The following UBE4B variants were observed in gnomAD, a reference collection of about 807,000 sequenced individuals.
The protein encoded by UBE4B is ubiquitination factor E4B, also known as ubiquitin conjugation factor E4 B.
UBE4B carries 27 observed loss-of-function variants against 148.1 expected under a neutral mutation model. The ratio of observed to expected loss-of-function variants is 0.18; its 90% CI spans 0.13 to 0.25. The LOEUF is 0.25. Among genes scored for constraint, UBE4B ranks in the 10% least tolerant of loss-of-function variants. UBE4B has a pLI of 1.00. For synonymous variants in UBE4B, 596 were observed against 619.3 expected, an observed-to-expected ratio of 0.96 and a Z score of 0.56; for missense variants, 1,170 against 1,662.4, an observed-to-expected ratio of 0.70 and a Z score of 5.15.
At chr1:10,061,344 T>C (rs1316875620) in intron 1 of UBE4B, among the ~76,000 whole-genome samples, 1 of 151,928 alleles carries the variant, frequency 6.6e-6, no homozygotes, top group Non-Finnish European at 1.5e-5. Context: ...AACCTCCGTT[T>C]CCTGGGTTTA....
intron 7 of UBE4B, among the ~76,000 whole-genome samples, chr1:10,110,677 T>C (rs1233875702): frequency 6.6e-6 from 1 of 152,224 alleles, no homozygotes; most frequent in Non-Finnish European, 1.5e-5. Context: ...GTTTGTTTTT[T>C]AACTGTAAAT....
intron 1 of UBE4B, among the ~76,000 whole-genome samples, chr1:10,045,461 G>T (rs183571527): frequency 1.3e-5 from 2 of 152,194 alleles, no homozygotes; most frequent in Admixed American, 1.3e-4. Context: ...GTCCTTGTCT[G>T]TTGTTCAGGC....
chr1:10,172,040 G>A (rs1646346928), intron 25 of UBE4B, among the ~76,000 whole-genome samples: 1 of 152,174 alleles, frequency 6.6e-6, no homozygotes, highest in Admixed American at 6.6e-5. Context: ...CAAGGGATCA[G>A]AATCTTCTTT....
chr1:10,132,854 A>G (rs529621044), intron 15 of UBE4B, among the ~76,000 whole-genome samples: 1 of 152,334 alleles, frequency 6.6e-6, no homozygotes, highest in East Asian at 1.9e-4. Flanking sequence ...GAGCTATCCA[A>G]TGTGGAAACG....
chr1:10,132,579 G>A (rs1645613472), intron 15 of UBE4B, 97 bp downstream of exon 15: 3 of 1,003,158 alleles, frequency 3.0e-6, no homozygotes, highest in Non-Finnish European at 4.5e-6. Context: ...AGGAGTGGGG[G>A]TACAGTATTG....
At chr1:10,097,052 A>AAAAAT (rs554089049) in intron 3 of UBE4B, among the ~76,000 whole-genome samples, 2 of 138,510 alleles carry the variant, frequency 1.4e-5, no homozygotes, top group Admixed American at 7.3e-5. Flanking sequence ...AAAAAAAAAA[A>AAAAAT]AATAATAATA....
intron 2 of UBE4B, among the ~76,000 whole-genome samples, chr1:10,086,133 G>A (rs1301228365): frequency 3.9e-5 from 6 of 152,004 alleles, no homozygotes; most frequent in Non-Finnish European, 5.9e-5. Flanking sequence ...CACCACGCCA[G>A]GCTAATTTTT....
Position 10,106,325 on chromosome 1 carries a change from A to G in UBE4B, c.938A>G (p.His313Arg). Residue 313 changes from histidine (H) to arginine (R), a missense_variant, in exon 7 of 28, where the codon CAC becomes CGC. Physicochemically the swap from His to Arg is conservative, Grantham distance 29. Transcript: ENST00000343090. The surrounding 1 kb of genome is among the most constrained non-coding windows in gnomAD (Gnocchi z 4.2). ...LAVPSTPLSP[H>R]SAASGTAAGS... ...GTGCCTTCCACTCCCCTCAGTCCTC[A>G]CAGTGCAGCCTCTGGAACTGCTGCG... The G allele has an allele frequency of 6.2e-7, 1 of 1,613,838 alleles. No homozygotes were observed. The highest frequency in any genetic ancestry group is 8.5e-7 in the Non-Finnish European group (1 of 1,179,950).
At position 10,129,461 on chromosome 1, in the gene UBE4B, C is replaced by T. The variant is rs1419254285; in HGVS notation, c.1695+13C>T. ...TGTGTGCAATTTGGTAAGCACTCAC[C>T]TGATGGGCTTGCACATTTTCAGTGA... On this transcript the variant is annotated intron_variant, in intron 12 of 27. Transcript: ENST00000343090. The T allele has an allele frequency of 6.2e-6, 10 of 1,607,506 alleles. No homozygotes were observed. Among genetic ancestry groups the T allele is most frequent in the Non-Finnish European group, 8.5e-6 (10 of 1,174,786 alleles).
intron 2 of UBE4B, among the ~76,000 whole-genome samples, chr1:10,083,271 C>T (rs562838607): frequency 1.6e-4 from 24 of 152,238 alleles, no homozygotes; most frequent in Non-Finnish European, 1.9e-4. Flanking sequence ...ATCTGTGGGG[C>T]AATCTTTGCA....
chr1:10,103,570 C>T (rs1243763266), intron 5 of UBE4B, among the ~76,000 whole-genome samples: 1 of 149,684 alleles, frequency 6.7e-6, no homozygotes, highest in Non-Finnish European at 1.5e-5. Context: ...GTAGCTGGGA[C>T]TACAGGCGTG....
intron 7 of UBE4B, among the ~76,000 whole-genome samples, chr1:10,113,924 G>T (rs982969256): frequency 6.6e-6 from 1 of 152,020 alleles, no homozygotes; most frequent in Non-Finnish European, 1.5e-5. Context: ...AATTAGCCAG[G>T]CATGGTGGCG....
chr1:10,160,997 C>T (rs1394565026), intron 22 of UBE4B, 145 bp from the exon 23 acceptor site: 1 of 789,588 alleles, frequency 1.3e-6, no homozygotes, highest in African/African-American at 1.7e-5. Flanking sequence ...CCTTGAATTC[C>T]ATAGTGCCTG....
rs374747507 is a variant in UBE4B at position 10,060,805 on chromosome 1, G to A, written c.25-11223G>A. The stretch of plus-strand genomic sequence containing the variant: ...GAGCCAGTCTCACTCTGTTGCCTAG[G>A]CTAGAGTGCAGTGGTGCAATTGTAG... On this transcript the variant is annotated intron_variant, in intron 1 of 27. Transcript: ENST00000343090. Among the ~76,000 whole-genome samples, 30 of 152,108 alleles carry A rather than the reference G, an allele frequency of 2.0e-4. No individual in the cohort carries two copies. In the East Asian group the frequency reaches 4.4e-3, roughly 22 times the overall value.
At chr1:10,072,454 GTTTAGGTA>G in intron 2 of UBE4B, 2 of 698,212 alleles carry the variant, frequency 2.9e-6, no homozygotes, top group Non-Finnish European at 5.2e-6. Flanking sequence ...TTTCAAACAG[GTTTAGGTA>G]TTATCTCTGA....
chr1:10,131,246 T>A (rs1443893722), intron 14 of UBE4B, among the ~76,000 whole-genome samples: 1 of 148,602 alleles, frequency 6.7e-6, no homozygotes, highest in African/African-American at 2.5e-5. Context: ...GGAGGCCGAG[T>A]GGGGTGGATC....
At chr1:10,054,616 G>T in intron 1 of UBE4B, 1 of 259,660 alleles carries the variant, frequency 3.9e-6, no homozygotes, top group South Asian at 4.6e-5. Context: ...TGCTCAATAT[G>T]CATATTAATT....
At chr1:10,052,740 G>A (rs867838367) in intron 1 of UBE4B, among the ~76,000 whole-genome samples, 4 of 152,184 alleles carry the variant, frequency 2.6e-5, no homozygotes, top group Non-Finnish European at 4.4e-5. Flanking sequence ...TTCTGTGTGG[G>A]TGGATATATG....
chr1:10,086,251 A>G (rs1010196955), intron 2 of UBE4B, among the ~76,000 whole-genome samples: 1 of 152,068 alleles, frequency 6.6e-6, no homozygotes, highest in African/African-American at 2.4e-5. Flanking sequence ...GATTACAGGC[A>G]TGAGCCACTG....
Sources: gnomAD v4.1 joint callset for allele counts (sites outside exome capture counted in the v4.1 genomes callset) on GRCh38, gnomAD v4.1.1 for gene constraint, Gnocchi (gnomAD v3.1) non-coding constraint, MANE v1.5 for transcripts, NCBI Gene and HGNC (gene_info 2026-07-23, HGNC 2026-07-21) for gene names.